Variants in AMIGO1 observed in about 807,000 individuals in gnomAD.
AMIGO1 encodes the protein adhesion molecule with Ig like domain 1.
For missense variants in AMIGO1, 361 were observed against 612.3 expected (o/e 0.59, Z 4.33); for synonymous variants, 249 against 266.3 (o/e 0.93, Z 0.63).
rs1001422869 is a variant in AMIGO1, at chr1:109,507,542, G to T, written c.1371C>A (p.Leu457=). The T allele has an allele frequency of 1.2e-6, 2 of 1,614,158 alleles. No homozygotes were observed. The highest frequency in any genetic ancestry group is 1.7e-6 in the Non-Finnish European group (2 of 1,180,030). The change falls in exon 2 of 2, where the codon CTC becomes CTA. Residue 457 remains leucine (L), a synonymous_variant. Transcript: ENST00000369864. The surrounding 1 kb of genome is among the most constrained non-coding windows in gnomAD (Gnocchi z 4.7). ...AGPGQGQNGK[L]KPGNTLPVPE... ...GCACTGGCAGGGTGTTGCCTGGCTT[G>T]AGCTTGCCGTTTTGACCCTGCCCAG...
At position 109,507,806 on chromosome 1, in the gene AMIGO1, G is replaced by A; in HGVS notation, c.1107C>T (p.Thr369=). The change falls in exon 2 of 2, where the codon ACC becomes ACT. Residue 369 remains threonine, a synonymous_variant. Coordinates refer to ENST00000369864, the MANE Select transcript of AMIGO1 (RefSeq NM_020703.4). This position sits in a 1 kb window ranked among gnomAD's most constrained non-coding sequence, Gnocchi z 4.7. Reference sequence around the variant, plus strand: ...CTAGGGTGGTATAGGCTGTGTTGAGGGTGTCATGGTGTCCGTGCAAGGTGA... The same window carrying A: ...CTAGGGTGGTATAGGCTGTGTTGAGAGTGTCATGGTGTCCGTGCAAGGTGA... ...HNFTLHGHHD[T]LNTAYTTLVG... 6 of 1,614,064 alleles carry A rather than the reference G, an allele frequency of 3.7e-6. No individual in the cohort carries two copies. Among genetic ancestry groups the A allele is most frequent in the African/African-American group, 1.3e-5 (1 of 75,026 alleles).
In AMIGO1 at chr1:109,504,637, C is replaced by A. The variant is rs994021142; in HGVS notation, c.*2794G>T. On this transcript the variant is annotated 3_prime_UTR_variant, in exon 2 of 2. Transcript: ENST00000369864. The stretch of plus-strand genomic sequence containing the variant: ...AGTGCGCTTACATATGCTGATTATT[C>A]AATTCTCCAATTAAAAAGCTACCTT... 1 of 152,052 alleles carries A rather than the reference C, an allele frequency of 6.6e-6. No individual in the cohort carries two copies. Among genetic ancestry groups the A allele is most frequent in the Non-Finnish European group, 1.5e-5 (1 of 68,008 alleles). 9.4% of individuals were successfully genotyped at this position (152,052 alleles called of 1,614,324 possible). A position where few individuals can be genotyped will look rare whatever the true frequency, so the allele number is the denominator to read the frequency against.
Position 109,504,456 on chromosome 1 carries a change from T to TA in AMIGO1, c.*2974dup, listed in dbSNP as rs1657967943. 6.6e-6 allele frequency: 1 copy of TA among 152,002 alleles called. No individual in the cohort carries two copies. The highest frequency in any genetic ancestry group is 1.5e-5 in the Non-Finnish European group (1 of 68,008). The allele number at this position is 152,002 out of a possible 1,614,324, so 9.4% of individuals were successfully genotyped here. On this transcript the variant is annotated 3_prime_UTR_variant, in exon 2 of 2. Transcript: ENST00000369864. Reference sequence around the variant, plus strand: ...ACAAAATAATAATAATAATAATAATTACACAGATTGTAGAGCCCTGTCATC... The same window carrying TA: ...ACAAAATAATAATAATAATAATAATTAACACAGATTGTAGAGCCCTGTCATC...
Position 109,507,508 on chromosome 1 carries a change from T to G in AMIGO1, c.1405A>C (p.Thr469Pro). The change falls in exon 2 of 2, where the codon ACA (threonine) becomes CCA (proline). Residue 469 changes from threonine to proline, a missense_variant. Coordinates refer to ENST00000369864, the MANE Select transcript of AMIGO1 (RefSeq NM_020703.4). This position sits in a 1 kb window ranked among gnomAD's most constrained non-coding sequence, Gnocchi z 4.7. ...PGNTLPVPEA[T>P]GKGQRRMSDP... ...GACATCCTCCGTTGGCCCTTGCCTGTGGCCTCAGGCACTGGCAGGGTGTTG... is the reference window on the plus strand; with the variant it reads ...GACATCCTCCGTTGGCCCTTGCCTGGGGCCTCAGGCACTGGCAGGGTGTTG... The G allele has an allele frequency of 1.2e-6, 2 of 1,614,198 alleles. No individual in the cohort carries two copies. The highest frequency in any genetic ancestry group is 1.6e-4 in the Middle Eastern group (1 of 6,062).
rs2101060904 is a variant in AMIGO1 at position 109,509,002 on chromosome 1, T to G, written c.-87-3A>C. 7 of 1,394,238 alleles carry G rather than the reference T, an allele frequency of 5.0e-6. No homozygotes were observed. The highest frequency in any genetic ancestry group is 5.7e-6 in the Non-Finnish European group (6 of 1,049,938). 86.4% of individuals were successfully genotyped at this position (1,394,238 alleles called of 1,614,324 possible). ...TCTGGTGGGGTACGGAAGGGTCACTTGAGAGAAAGAGGATGGGTTTGTGGT... is the reference window on the plus strand; with the variant it reads ...TCTGGTGGGGTACGGAAGGGTCACTGGAGAGAAAGAGGATGGGTTTGTGGT... On this transcript the variant is annotated splice_region_variant and splice_polypyrimidine_tract_variant and intron_variant, in intron 1 of 1. Transcript: ENST00000369864.
rs1037470692 is a variant in AMIGO1 at position 109,505,168 on chromosome 1, A to C, written c.*2263T>G. ...TGACCTAGTTCTATCTTAATTGCTC[A>C]TATATTGCTCATATATATAGTCTTC... On this transcript the variant is annotated 3_prime_UTR_variant, in exon 2 of 2. Transcript: ENST00000369864. 6.6e-6 allele frequency: 1 copy of C among 152,200 alleles called. No homozygotes were observed. The highest frequency in any genetic ancestry group is 2.4e-5 in the African/African-American group (1 of 41,440). 9.4% of individuals were successfully genotyped at this position (152,200 alleles called of 1,614,324 possible). A position where few individuals can be genotyped will look rare whatever the true frequency, so the allele number is the denominator to read the frequency against.
Position 109,508,745 on chromosome 1 carries a change from G to C in AMIGO1, c.168C>G (p.Pro56=). 6.2e-7 allele frequency: 1 copy of C among 1,614,036 alleles called. No homozygotes were observed. The highest frequency in any genetic ancestry group is 1.3e-5 in the African/African-American group (1 of 75,036). ...GTGCTGTGTAACTGGGCAAGGAATGGGGCACATTGGGCAGCTGCTGCTTGG... is the reference window on the plus strand; with the variant it reads ...GTGCTGTGTAACTGGGCAAGGAATGCGGCACATTGGGCAGCTGCTGCTTGG... The part of the protein sequence containing the change: ...SCSKQQLPNV[P]HSLPSYTALL... Residue 56 remains proline (P), a synonymous_variant, in exon 2 of 2, where the codon CCC becomes CCG. Transcript: ENST00000369864. This position sits in a 1 kb window ranked among gnomAD's most constrained non-coding sequence, Gnocchi z 7.8.
chr1:109,508,592 G>C lies in AMIGO1; in HGVS notation c.321C>G (p.Ser107=). 6.2e-7 allele frequency: 1 copy of C among 1,614,168 alleles called. No individual in the cohort carries two copies. ...HLNFISSEAF[S]PVPNLRYLDL... is the part of the protein sequence containing the mutation. The stretch of plus-strand genomic sequence containing the variant: ...CCAGGTAGCGCAGGTTGGGTACCGG[G>C]GAAAAGGCCTCAGAGGAGATGAAGT... Residue 107 remains serine, a synonymous_variant, in exon 2 of 2, where the codon TCC becomes TCG. Coordinates refer to ENST00000369864, the MANE Select transcript of AMIGO1 (RefSeq NM_020703.4). The surrounding 1 kb of genome is among the most constrained non-coding windows in gnomAD (Gnocchi z 7.8).
At position 109,508,076 on chromosome 1, in the gene AMIGO1, C is replaced by T; in HGVS notation, c.837G>A (p.Glu279=). 6.2e-7 allele frequency: 1 copy of T among 1,614,178 alleles called. No homozygotes were observed. The highest frequency in any genetic ancestry group is 8.5e-7 in the Non-Finnish European group (1 of 1,180,044). The change falls in exon 2 of 2, where the codon GAG becomes GAA. Residue 279 remains glutamate (E), a synonymous_variant. Transcript: ENST00000369864. This position sits in a 1 kb window ranked among gnomAD's most constrained non-coding sequence, Gnocchi z 7.8. ...NCGEYKERAW[E]AHLGDTLIIK... The stretch of plus-strand genomic sequence containing the variant: ...TGATCAAGGTGTCACCCAGGTGGGC[C>T]TCCCAGGCACGCTCCTTGTACTCGC...
Position 109,505,915 on chromosome 1 carries a change from G to A in AMIGO1, c.*1516C>T, listed in dbSNP as rs1226039723. 2 of 152,188 alleles carry A rather than the reference G, an allele frequency of 1.3e-5. No individual in the cohort carries two copies. The highest frequency in any genetic ancestry group is 2.4e-5 in the African/African-American group (1 of 41,436). 9.4% of individuals were successfully genotyped at this position (152,188 alleles called of 1,614,324 possible). ...CACAGGGCATGCAGTGTAGTCAAAG[G>A]GAAAGGTTAAAGGGATCGGTCATCT... is the stretch of plus-strand genomic sequence containing the variant. On this transcript the variant is annotated 3_prime_UTR_variant, in exon 2 of 2. Transcript: ENST00000369864.
Position 109,508,365 on chromosome 1 carries a change from T to C in AMIGO1, c.548A>G (p.Lys183Arg), listed in dbSNP as rs1658078840. The C allele has an allele frequency of 1.2e-6, 2 of 1,614,054 alleles. No individual in the cohort carries two copies. Among genetic ancestry groups the C allele is most frequent in the Admixed American group, 1.7e-5 (1 of 60,000 alleles). The change falls in exon 2 of 2, where the codon AAG becomes AGG. Residue 183 changes from lysine to arginine, a missense_variant. Lys to Arg is a conservative substitution (Grantham distance 26, BLOSUM62 2). Transcript: ENST00000369864. The surrounding 1 kb of genome is among the most constrained non-coding windows in gnomAD (Gnocchi z 7.8). ...ATCCAGGAGCGTTAGTTTGGGTAGC[T>C]TGGCTCCTTCCTTGACCAGTTCCAG... is the stretch of plus-strand genomic sequence containing the variant. ...FPLELVKEGA[K>R]LPKLTLLDLS...
At position 109,506,113 on chromosome 1, in the gene AMIGO1, C is replaced by T. The variant is rs1658017153; in HGVS notation, c.*1318G>A. 6.6e-6 allele frequency: 1 copy of T among 152,204 alleles called. No individual in the cohort carries two copies. The highest frequency in any genetic ancestry group is 2.1e-4 in the South Asian group (1 of 4,830). 9.4% of individuals were successfully genotyped at this position (152,204 alleles called of 1,614,324 possible). A position where few individuals can be genotyped will look rare whatever the true frequency, so the allele number is the denominator to read the frequency against. On this transcript the variant is annotated 3_prime_UTR_variant, in exon 2 of 2. Transcript: ENST00000369864. Reference sequence around the variant, plus strand: ...CTGATTATCTCTGCTTCAGGATTGCCTGGAATCTGTGGAGAGGGCAGAACT... The same window carrying T: ...CTGATTATCTCTGCTTCAGGATTGCTTGGAATCTGTGGAGAGGGCAGAACT...
chr1:109,507,317 G>C lies in AMIGO1; in HGVS notation c.*114C>G, dbSNP rs1215287018. 1.4e-6 allele frequency: 2 copies of C among 1,420,858 alleles called. No individual in the cohort carries two copies. Among genetic ancestry groups the C allele is most frequent in the East Asian group, 2.3e-5 (1 of 43,256 alleles). 88.0% of individuals were successfully genotyped at this position (1,420,858 alleles called of 1,614,324 possible). A position where few individuals can be genotyped will look rare whatever the true frequency, so the allele number is the denominator to read the frequency against. On this transcript the variant is annotated 3_prime_UTR_variant, in exon 2 of 2. Coordinates refer to ENST00000369864, the MANE Select transcript of AMIGO1 (RefSeq NM_020703.4). The surrounding 1 kb of genome is among the most constrained non-coding windows in gnomAD (Gnocchi z 4.7). ...TGTTGTACCTGGGACCAATTCCCTT[G>C]AGGTCAGGAGGAATCCATTCCCTTG...
Position 109,507,184 on chromosome 1 carries a change from C to T in AMIGO1, c.*247G>A. On this transcript the variant is annotated 3_prime_UTR_variant, in exon 2 of 2. Coordinates refer to ENST00000369864, the MANE Select transcript of AMIGO1 (RefSeq NM_020703.4). This position sits in a 1 kb window ranked among gnomAD's most constrained non-coding sequence, Gnocchi z 4.7. ...CAGACATGCTTCTCTTCCTCTACCA[C>T]ACTGAGAATTGGCAGGGCTTTGGGT... 1 of 480,074 alleles carries T rather than the reference C, an allele frequency of 2.1e-6. No individual in the cohort carries two copies. The highest frequency in any genetic ancestry group is 3.7e-6 in the Non-Finnish European group (1 of 270,914). The allele number at this position is 480,074 out of a possible 1,614,324, so 29.7% of individuals were successfully genotyped here. A position where few individuals can be genotyped will look rare whatever the true frequency, so the allele number is the denominator to read the frequency against.
chr1:109,507,772 T>A lies in AMIGO1; in HGVS notation c.1141A>T (p.Ile381Phe). The change falls in exon 2 of 2, where the codon ATC (isoleucine) becomes TTC (phenylalanine). Residue 381 changes from isoleucine (I) to phenylalanine (F), a missense_variant. Physicochemically the swap from Ile to Phe is conservative, Grantham distance 21 (BLOSUM62 0). Transcript: ENST00000369864. The surrounding 1 kb of genome is among the most constrained non-coding windows in gnomAD (Gnocchi z 4.7). ...NTAYTTLVGC[I>F]LSVVLVLIYL... is the part of the protein sequence containing the mutation. Reference sequence around the variant, plus strand: ...ATGAGGACCAGGACCACACTAAGGATACAGCCCACTAGGGTGGTATAGGCT... The same window carrying A: ...ATGAGGACCAGGACCACACTAAGGAAACAGCCCACTAGGGTGGTATAGGCT... The A allele has an allele frequency of 6.2e-7, 1 of 1,614,094 alleles. No homozygotes were observed. The highest frequency in any genetic ancestry group is 8.5e-7 in the Non-Finnish European group (1 of 1,180,004).
Position 109,507,584 on chromosome 1 carries a change from G to C in AMIGO1, c.1329C>G (p.Phe443Leu), listed in dbSNP as rs772008087. ...KDDGFDRRVA[F>L]LEPAGPGQGQ... ...CCTGCCCAGGTCCAGCAGGTTCCAG[G>C]AAAGCCACCCGCCGGTCAAAACCAT... The change falls in exon 2 of 2, where the codon TTC (phenylalanine) becomes TTG (leucine). Residue 443 changes from phenylalanine (F) to leucine (L), a missense_variant. Coordinates refer to ENST00000369864, the MANE Select transcript of AMIGO1 (RefSeq NM_020703.4). This position sits in a 1 kb window ranked among gnomAD's most constrained non-coding sequence, Gnocchi z 4.7. 1 of 1,613,858 alleles carries C rather than the reference G, an allele frequency of 6.2e-7. No individual in the cohort carries two copies. The highest frequency in any genetic ancestry group is 8.5e-7 in the Non-Finnish European group (1 of 1,179,992).
chr1:109,507,317 G>A lies in AMIGO1; in HGVS notation c.*114C>T. The A allele has an allele frequency of 7.0e-7, 1 of 1,420,976 alleles. No individual in the cohort carries two copies. Among genetic ancestry groups the A allele is most frequent in the South Asian group, 1.4e-5 (1 of 71,946 alleles). 88.0% of individuals were successfully genotyped at this position (1,420,976 alleles called of 1,614,324 possible). ...TGTTGTACCTGGGACCAATTCCCTTGAGGTCAGGAGGAATCCATTCCCTTG... is the reference window on the plus strand; with the variant it reads ...TGTTGTACCTGGGACCAATTCCCTTAAGGTCAGGAGGAATCCATTCCCTTG... On this transcript the variant is annotated 3_prime_UTR_variant, in exon 2 of 2. Coordinates refer to ENST00000369864, the MANE Select transcript of AMIGO1 (RefSeq NM_020703.4). The surrounding 1 kb of genome is among the most constrained non-coding windows in gnomAD (Gnocchi z 4.7).
rs1479393682 is a variant in AMIGO1, at chr1:109,505,179, A to G, written c.*2252T>C. The G allele has an allele frequency of 6.6e-6, 1 of 152,152 alleles. No individual in the cohort carries two copies. Among genetic ancestry groups the G allele is most frequent in the Non-Finnish European group, 1.5e-5 (1 of 68,044 alleles). The allele number at this position is 152,152 out of a possible 1,614,324, so 9.4% of individuals were successfully genotyped here. A position where few individuals can be genotyped will look rare whatever the true frequency, so the allele number is the denominator to read the frequency against. On this transcript the variant is annotated 3_prime_UTR_variant, in exon 2 of 2. Transcript: ENST00000369864. Reference sequence around the variant, plus strand: ...TATCTTAATTGCTCATATATTGCTCATATATATAGTCTTCACGGGAGGTTT... The same window carrying G: ...TATCTTAATTGCTCATATATTGCTCGTATATATAGTCTTCACGGGAGGTTT...
intron 1 of AMIGO1, 117 bp from the exon 2 acceptor site, chr1:109,509,116 T>C (rs114742541): frequency 6.8e-5 from 42 of 620,366 alleles, no homozygotes; most frequent in Middle Eastern, 4.4e-4. Flanking sequence ...AGAGAGATGC[T>C]GGGTAGTTTC....
Sources: allele counts gnomAD v4.1 joint callset, GRCh38; gene constraint gnomAD v4.1.1; non-coding constraint Gnocchi (gnomAD v3.1); transcripts MANE v1.5; gene names NCBI Gene and HGNC (gene_info 2026-07-23, HGNC 2026-07-21).